The following SNTG1 variants were observed in gnomAD, a reference collection of about 807,000 sequenced individuals.
SNTG1 encodes the protein syntrophin gamma 1.
SNTG1 carries 39 observed loss-of-function variants against 74.7 expected under a neutral mutation model. The observed-to-expected ratio is 0.52, with a 90% CI of 0.40 to 0.68. The LOEUF (loss-of-function observed/expected upper bound fraction) is 0.68, where lower values mean the gene tolerates loss of function less well. Ranked by LOEUF, SNTG1 falls within the 30% of genes least tolerant of loss-of-function variation. SNTG1 has a pLI of 0.00. For missense variants in SNTG1, 685 were observed against 609.5 expected (o/e 1.12, Z -1.30); for synonymous variants, 254 against 217.1 (o/e 1.17, Z -1.49).
intron 13 of SNTG1, among the ~76,000 whole-genome samples, chr8:50,653,076 A>G (rs901474985): frequency 6.6e-6 from 1 of 151,896 alleles, no homozygotes; most frequent in Non-Finnish European, 1.5e-5. Flanking sequence ...CCTTACAGAG[A>G]CAGAATATAG....
At chr8:50,024,840 AG>A (rs1817128515) in intron 1 of SNTG1, among the ~76,000 whole-genome samples, 2 of 152,294 alleles carry the variant, frequency 1.3e-5, no homozygotes, top group East Asian at 3.9e-4. Context: ...GTGGGCAAGT[AG>A]TGTAGACAGC....
At chr8:50,594,582 G>T (rs532145873) in intron 13 of SNTG1, among the ~76,000 whole-genome samples, 81 of 152,094 alleles carry the variant, frequency 5.3e-4, no homozygotes, top group Non-Finnish European at 1.0e-3. Context: ...TATTATAGAT[G>T]TGTACATACC....
chr8:50,322,070 A>C (rs2090553556), intron 2 of SNTG1, among the ~76,000 whole-genome samples: 1 of 151,784 alleles, frequency 6.6e-6, no homozygotes, highest in Non-Finnish European at 1.5e-5. Context: ...ATTGCTTATT[A>C]ACATCTTTTT....
chr8:50,572,539 T>C (rs1727290372), intron 12 of SNTG1, among the ~76,000 whole-genome samples: 1 of 152,150 alleles, frequency 6.6e-6, no homozygotes, highest in Non-Finnish European at 1.5e-5. Flanking sequence ...AGGCATTGAT[T>C]TACTGTTAAT....
intron 8 of SNTG1, among the ~76,000 whole-genome samples, chr8:50,491,930 C>T (rs2093859697): frequency 6.7e-6 from 1 of 149,650 alleles, no homozygotes; most frequent in Admixed American, 6.7e-5. Flanking sequence ...GTTCCCCTTC[C>T]TATGTCCACG....
intron 11 of SNTG1, among the ~76,000 whole-genome samples, chr8:50,537,329 G>A (rs1309192556): frequency 6.6e-6 from 1 of 152,062 alleles, no homozygotes; most frequent in Admixed American, 6.6e-5. Context: ...GTAGACATGG[G>A]AGATCTGCCT....
intron 2 of SNTG1, among the ~76,000 whole-genome samples, chr8:50,256,163 G>T (rs2086871510): frequency 6.6e-6 from 1 of 150,788 alleles, no homozygotes; most frequent in Non-Finnish European, 1.5e-5. Context: ...GTGTCTTTTT[G>T]TTTATACATT....
At chr8:50,690,677 C>G (rs1219192407) in intron 15 of SNTG1, among the ~76,000 whole-genome samples, 4 of 152,088 alleles carry the variant, frequency 2.6e-5, no homozygotes, top group Non-Finnish European at 5.9e-5. Context: ...ACTATGTGGT[C>G]AATTTTGGAG....
chr8:50,075,703 G>A (rs1821805285), intron 1 of SNTG1, among the ~76,000 whole-genome samples: 1 of 152,124 alleles, frequency 6.6e-6, no homozygotes, highest in African/African-American at 2.4e-5. Flanking sequence ...GCCTTTATGA[G>A]CTGTAACACT....
intron 9 of SNTG1, among the ~76,000 whole-genome samples, chr8:50,526,417 A>G (rs558243698): frequency 1.3e-5 from 2 of 152,196 alleles, no homozygotes; most frequent in Admixed American, 1.3e-4. Context: ...CTTTTTACCC[A>G]TTTTTAATGT....
rs772189032 is a variant in SNTG1, at chr8:50,570,889, C to T, written c.810+17710C>T. 6.6e-4 allele frequency among the ~76,000 whole-genome samples: 101 copies of T among 151,960 alleles called. 3 individuals are homozygous for T. The highest frequency in any genetic ancestry group is 3.9e-4 in the Admixed American group (6 of 15,260). On this transcript the variant is annotated intron_variant, in intron 12 of 18. Coordinates refer to ENST00000642720, the MANE Select transcript of SNTG1 (RefSeq NM_018967.5). ...AAAGTGCTGGGATTACAGGTGTGAGCCACCACACCTCTGGCTCTTATTTTT... is the reference window on the plus strand; with the variant it reads ...AAAGTGCTGGGATTACAGGTGTGAGTCACCACACCTCTGGCTCTTATTTTT...
At chr8:50,044,297 G>A (rs1194470103) in intron 1 of SNTG1, among the ~76,000 whole-genome samples, 1 of 152,170 alleles carries the variant, frequency 6.6e-6, no homozygotes, top group Non-Finnish European at 1.5e-5. Flanking sequence ...GTAAGGGGAC[G>A]ACCAACCTTT....
chr8:49,939,997 A>G (rs1808537008), intron 1 of SNTG1, among the ~76,000 whole-genome samples: 1 of 152,200 alleles, frequency 6.6e-6, no homozygotes, highest in Admixed American at 6.5e-5. Context: ...ATAATACATG[A>G]GAGGATATTT....
At chr8:49,953,585 C>T (rs1259381663) in intron 1 of SNTG1, among the ~76,000 whole-genome samples, 1 of 152,144 alleles carries the variant, frequency 6.6e-6, no homozygotes, top group East Asian at 1.9e-4. Context: ...AGATTATATG[C>T]TCTTTTCTTA....
At chr8:50,050,977 A>C (rs2130876323) in intron 1 of SNTG1, among the ~76,000 whole-genome samples, 1 of 152,212 alleles carries the variant, frequency 6.6e-6, no homozygotes, top group South Asian at 2.1e-4. Flanking sequence ...ACAAACTAAA[A>C]GTAGAAGAGA....
intron 13 of SNTG1, among the ~76,000 whole-genome samples, chr8:50,596,328 A>T (rs1201433720): frequency 1.3e-5 from 2 of 152,050 alleles, no homozygotes; most frequent in African/African-American, 4.8e-5. Context: ...ACTGTATTTT[A>T]ATGAGTCATG....
intron 2 of SNTG1, among the ~76,000 whole-genome samples, chr8:50,364,086 C>G (rs1320692991): frequency 1.3e-5 from 2 of 152,064 alleles, no homozygotes; most frequent in African/African-American, 4.8e-5. Flanking sequence ...TAGGGAAGTT[C>G]CATTACATAG....
chr8:50,361,402 C>CT (rs1292999681), intron 2 of SNTG1, among the ~76,000 whole-genome samples: 6 of 152,094 alleles, frequency 3.9e-5, no homozygotes, highest in African/African-American at 1.2e-4. Context: ...TGGTTTGCTT[C>CT]TTTTTTTCAT....
At chr8:50,224,019 A>C (rs2085201535) in intron 2 of SNTG1, among the ~76,000 whole-genome samples, 1 of 152,174 alleles carries the variant, frequency 6.6e-6, no homozygotes, top group Admixed American at 6.5e-5. Context: ...TATTCAATTT[A>C]GTGAGTGACA....
Sources: gnomAD v4.1 joint callset for allele counts (sites outside exome capture counted in the v4.1 genomes callset) on GRCh38, gnomAD v4.1.1 for gene constraint, MANE v1.5 for transcripts, NCBI Gene and HGNC (gene_info 2026-07-23, HGNC 2026-07-21) for gene names.